Variants in MAGI2 observed in about 807,000 individuals in gnomAD.
MAGI2 encodes the protein membrane associated guanylate kinase, WW and PDZ domain containing 2.
In MAGI2, 35 loss-of-function variants were observed where a neutral mutation model predicts 133.3. That is an observed-to-expected ratio of 0.26 (90% CI 0.20 to 0.35). The LOEUF (loss-of-function observed/expected upper bound fraction) is 0.35. Ranked by LOEUF, MAGI2 falls within the 10% of genes least tolerant of loss-of-function variation. The probability of loss-of-function intolerance (pLI) is 1.00; values close to 1 mark genes in which losing one functional copy is unlikely to be tolerated. For missense variants in MAGI2, 1,636 were observed against 1,863.4 expected (o/e 0.88, Z 2.25); for synonymous variants, 729 against 710.6 (o/e 1.03, Z -0.41).
chr7:78,362,018 G>C lies in MAGI2; in HGVS notation c.1103+7138C>G, dbSNP rs1053780799. Among the ~76,000 whole-genome samples the C allele has an allele frequency of 1.9e-4, 29 of 152,032 alleles. 1 individual carries two copies. Among genetic ancestry groups the C allele is most frequent in the Admixed American group, 1.9e-3 (29 of 15,250 alleles). ...GGATCGTGGTATAAAAACATTTGAGGGGGCTGGGTTCGGTGGCTCATGTCT... is the reference window on the plus strand; with the variant it reads ...GGATCGTGGTATAAAAACATTTGAGCGGGCTGGGTTCGGTGGCTCATGTCT... On this transcript the variant is annotated intron_variant, in intron 7 of 21. Coordinates refer to ENST00000354212, the MANE Select transcript of MAGI2 (RefSeq NM_012301.4).
chr7:79,151,703 C>G (rs1823262920), intron 1 of MAGI2, among the ~76,000 whole-genome samples: 1 of 152,070 alleles, frequency 6.6e-6, no homozygotes, highest in East Asian at 1.9e-4. Context: ...GAACATAACA[C>G]AGGGCAGGTA....
At chr7:78,473,778 A>T (rs888353999) in intron 6 of MAGI2, among the ~76,000 whole-genome samples, 1 of 152,078 alleles carries the variant, frequency 6.6e-6, no homozygotes, top group Non-Finnish European at 1.5e-5. Context: ...ACACCTCTTC[A>T]GCCTTCCTCA....
At chr7:79,402,852 T>C (rs1215172693) in intron 1 of MAGI2, among the ~76,000 whole-genome samples, 1 of 152,134 alleles carries the variant, frequency 6.6e-6, no homozygotes, top group Non-Finnish European at 1.5e-5. Context: ...TCCATAACTT[T>C]CCATGGGTAA....
chr7:79,374,519 A>G (rs1843256269), intron 1 of MAGI2, among the ~76,000 whole-genome samples: 1 of 151,990 alleles, frequency 6.6e-6, no homozygotes, highest in African/African-American at 2.4e-5. Context: ...CAGAGCTGTG[A>G]GAAAATGAAT....
intron 6 of MAGI2, among the ~76,000 whole-genome samples, chr7:78,427,669 A>G (rs1187671076): frequency 6.6e-6 from 1 of 151,902 alleles, no homozygotes; most frequent in Non-Finnish European, 1.5e-5. Context: ...CAAAAAAAAA[A>G]AAAAACAGCC....
rs77249329 is a variant in MAGI2, at chr7:79,004,454, G to T, written c.418+2636C>A. ...TGATAGATAACAGAGGGTTAGGAGA[G>T]TGAGGAATTGGGAATGAAGAGAGGT... On this transcript the variant is annotated intron_variant, in intron 2 of 21. Transcript: ENST00000354212. Among the ~76,000 whole-genome samples the T allele has an allele frequency of 2.0e-3, 312 of 152,286 alleles. 2 individuals are homozygous for T. Among genetic ancestry groups the T allele is most frequent in the Non-Finnish European group, 3.5e-3 (237 of 68,020 alleles).
rs1844631788 is a variant in MAGI2 at position 79,391,525 on chromosome 7, A to C, written c.301+61495T>G. ...TATATAGACATATATATATATATAT[A>C]TATATATATATAGACATATATATAT... On this transcript the variant is annotated intron_variant, in intron 1 of 21. Transcript: ENST00000354212. 3.4e-5 allele frequency among the ~76,000 whole-genome samples: 3 copies of C among 88,760 alleles called. No homozygotes were observed. The South Asian group carries it at 1.2e-3, about 34-fold the overall frequency. The allele number at this position is 88,760 out of a possible 152,430, so 58.2% of individuals were successfully genotyped here.
At chr7:78,172,571 TC>T (rs1197823185) in intron 14 of MAGI2, among the ~76,000 whole-genome samples, 1 of 152,248 alleles carries the variant, frequency 6.6e-6, no homozygotes, top group Non-Finnish European at 1.5e-5. Flanking sequence ...GAAAAGTATT[TC>T]CTCTTGCAGG....
chr7:78,185,583 G>C, intron 13 of MAGI2, 46 bp downstream of exon 13: 1 of 1,430,654 alleles, frequency 7.0e-7, no homozygotes, highest in South Asian at 1.4e-5. Context: ...TACACAAAAT[G>C]GAAGACGTTT....
At chr7:78,443,327 A>G (rs1452129567) in intron 6 of MAGI2, among the ~76,000 whole-genome samples, 5 of 152,074 alleles carry the variant, frequency 3.3e-5, no homozygotes, top group African/African-American at 1.2e-4. Flanking sequence ...GTGGGGTCCT[A>G]TCTTGGACCT....
intron 11 of MAGI2, among the ~76,000 whole-genome samples, chr7:78,197,558 T>C (rs911370846): frequency 6.6e-6 from 1 of 152,226 alleles, no homozygotes; most frequent in East Asian, 1.9e-4. Context: ...ACAGAACAAG[T>C]AATGCTTTGG....
intron 2 of MAGI2, among the ~76,000 whole-genome samples, chr7:78,671,989 G>A (rs1235052024): frequency 6.6e-6 from 1 of 152,176 alleles, no homozygotes; most frequent in African/African-American, 2.4e-5. Context: ...GTTTTTAAGT[G>A]CAAAGTGACT....
intron 2 of MAGI2, among the ~76,000 whole-genome samples, chr7:78,672,816 T>C (rs1331001289): frequency 1.3e-5 from 2 of 152,150 alleles, no homozygotes; most frequent in African/African-American, 4.8e-5. Flanking sequence ...TTCTGATGCA[T>C]GCCAATGTTT....
At chr7:79,122,432 T>C (rs1468130029) in intron 1 of MAGI2, among the ~76,000 whole-genome samples, 3 of 152,164 alleles carry the variant, frequency 2.0e-5, no homozygotes, top group African/African-American at 7.2e-5. Context: ...CACATAGATG[T>C]ATAGGGTTAT....
chr7:78,412,643 T>C lies in MAGI2; in HGVS notation c.1046-43430A>G, dbSNP rs112484349. ...AGGTTCTAGTCACTGTTTCTCTCACTGGGTTGAGAGAAAAGGGCAGTAACA... is the reference window on the plus strand; with the variant it reads ...AGGTTCTAGTCACTGTTTCTCTCACCGGGTTGAGAGAAAAGGGCAGTAACA... On this transcript the variant is annotated intron_variant, in intron 6 of 21. Transcript: ENST00000354212. 7.0e-3 allele frequency among the ~76,000 whole-genome samples: 1,072 copies of C among 152,120 alleles called. 10 individuals carry two copies. Among genetic ancestry groups the C allele is most frequent in the Non-Finnish European group, 0.011 (775 of 67,948 alleles).
chr7:78,947,847 G>A (rs1260090325), intron 2 of MAGI2, among the ~76,000 whole-genome samples: 2 of 151,956 alleles, frequency 1.3e-5, no homozygotes, highest in African/African-American at 4.8e-5. Context: ...GACCAGTATT[G>A]GCTCTAAATG....
intron 4 of MAGI2, among the ~76,000 whole-genome samples, chr7:78,510,343 T>G (rs528711197): frequency 4.5e-4 from 68 of 152,314 alleles, no homozygotes; most frequent in South Asian, 3.9e-3. Context: ...GTTACCTACC[T>G]ATAAGGATTA....
intron 2 of MAGI2, among the ~76,000 whole-genome samples, chr7:78,977,384 T>C (rs1197811570): frequency 7.1e-6 from 1 of 140,890 alleles, no homozygotes; most frequent in Non-Finnish European, 1.6e-5. Flanking sequence ...ACATGCAGAA[T>C]GAAAGACAGA....
intron 2 of MAGI2, among the ~76,000 whole-genome samples, chr7:78,677,998 A>G (rs1202144152): frequency 1.3e-5 from 2 of 152,118 alleles, no homozygotes; most frequent in Non-Finnish European, 2.9e-5. Context: ...ACTTCCAAGA[A>G]AGGGGCAAAG....
Sources: gnomAD v4.1 joint callset for allele counts (sites outside exome capture counted in the v4.1 genomes callset) on GRCh38, gnomAD v4.1.1 for gene constraint, MANE v1.5 for transcripts, NCBI Gene and HGNC (gene_info 2026-07-23, HGNC 2026-07-21) for gene names.